PEX3: variants seen among roughly 807,000 people sequenced by gnomAD.
PEX3 encodes the protein peroxisomal biogenesis factor 3.
PEX3 carries 30 observed loss-of-function variants against 55.8 expected under a neutral mutation model. The ratio of observed to expected loss-of-function variants is 0.54; its 90% CI spans 0.40 to 0.73. The LOEUF is 0.73. Ranked by LOEUF, PEX3 falls within the 30% of genes least tolerant of loss-of-function variation. The probability of loss-of-function intolerance (pLI) is 0.00; values close to 1 mark genes in which losing one functional copy is unlikely to be tolerated. For synonymous variants in PEX3, 135 were observed against 148.4 expected (o/e 0.91, Z 0.66); for missense variants, 351 against 432.8 (o/e 0.81, Z 1.68).
rs113430342 is a variant in PEX3 at position 143,463,006 on chromosome 6, A to G, written c.287+9A>G. ...GCTCTGCTAAAAAACAGGTAAATGCAAGTTACAGCATTTTCTGTTTAAGCA... is the reference window on the plus strand; with the variant it reads ...GCTCTGCTAAAAAACAGGTAAATGCGAGTTACAGCATTTTCTGTTTAAGCA... On this transcript the variant is annotated intron_variant, in intron 3 of 11. Coordinates refer to ENST00000367591, the MANE Select transcript of PEX3 (RefSeq NM_003630.3). This position sits in a 1 kb window ranked among gnomAD's most constrained non-coding sequence, Gnocchi z 5.7. 35 of 1,595,454 alleles carry G rather than the reference A, an allele frequency of 2.2e-5. No individual in the cohort carries two copies. Among genetic ancestry groups the G allele is most frequent in the African/African-American group, 2.0e-4 (15 of 74,732 alleles).
chr6:143,451,323 C>T lies in PEX3; in HGVS notation c.73+208C>T, dbSNP rs1583998519. On this transcript the variant is annotated intron_variant, in intron 1 of 11. Coordinates refer to ENST00000367591, the MANE Select transcript of PEX3 (RefSeq NM_003630.3). The surrounding 1 kb of genome is among the most constrained non-coding windows in gnomAD (Gnocchi z 4.1). ...GCCTCTGTGCCCTTTGCCCTGTCAC[C>T]GACTCTTAACTCTGTTTCTCACCTA... is the stretch of plus-strand genomic sequence containing the variant. Among the ~76,000 whole-genome samples, 1 of 152,102 alleles carries T rather than the reference C, an allele frequency of 6.6e-6. No individual in the cohort carries two copies. The highest frequency in any genetic ancestry group is 1.9e-4 in the East Asian group (1 of 5,182).
In PEX3 at chr6:143,464,318, G is replaced by A. The variant is rs948169097; in HGVS notation, c.287+1321G>A. 2.0e-5 allele frequency among the ~76,000 whole-genome samples: 3 copies of A among 152,024 alleles called. No homozygotes were observed. Among genetic ancestry groups the A allele is most frequent in the African/African-American group, 7.2e-5 (3 of 41,426 alleles). ...CGTGGTGGCATTCTTCCTTCTTGGT[G>A]AATCTGTTTCCTGCAAGGCCCTATG... On this transcript the variant is annotated intron_variant, in intron 3 of 11. Transcript: ENST00000367591. The surrounding 1 kb of genome is among the most constrained non-coding windows in gnomAD (Gnocchi z 5.8).
Position 143,479,478 on chromosome 6 carries a change from T to A in PEX3, c.941+280T>A, listed in dbSNP as rs1452976938. On this transcript the variant is annotated intron_variant, in intron 10 of 11. Transcript: ENST00000367591. This position sits in a 1 kb window ranked among gnomAD's most constrained non-coding sequence, Gnocchi z 4.6. Reference sequence around the variant, plus strand: ...TTGAATTCCAATTATTGTTTTTTTTTAACTCTTTAGAATACAAAACTCACA... The same window carrying A: ...TTGAATTCCAATTATTGTTTTTTTTAAACTCTTTAGAATACAAAACTCACA... Among the ~76,000 whole-genome samples, 1 of 152,116 alleles carries A rather than the reference T, an allele frequency of 6.6e-6. No homozygotes were observed. The highest frequency in any genetic ancestry group is 2.4e-5 in the African/African-American group (1 of 41,452).
Position 143,488,149 on chromosome 6 carries a change from T to G in PEX3, c.1039-994T>G, listed in dbSNP as rs548403095. On this transcript the variant is annotated intron_variant, in intron 11 of 11. Coordinates refer to ENST00000367591, the MANE Select transcript of PEX3 (RefSeq NM_003630.3). The surrounding 1 kb of genome is among the most constrained non-coding windows in gnomAD (Gnocchi z 4.9). ...TCTGATGAGATAATTTAACCATGAA[T>G]TGATTGAGATTAGGACATGTCTAAA... Among the ~76,000 whole-genome samples, 3 of 152,138 alleles carry G rather than the reference T, an allele frequency of 2.0e-5. No homozygotes were observed. Among genetic ancestry groups the G allele is most frequent in the Admixed American group, 2.0e-4 (3 of 15,260 alleles).
In PEX3 at chr6:143,474,350, T is replaced by C. The variant is rs145530847; in HGVS notation, c.748-436T>C. Among the ~76,000 whole-genome samples the C allele has an allele frequency of 4.2e-3, 632 of 151,410 alleles. 2 individuals are homozygous for C. The highest frequency in any genetic ancestry group is 8.2e-3 in the Admixed American group (124 of 15,210). ...GGCGCACGCTTGTAATCCCAGCTAC[T>C]CAGGAGGTTGAGGCAGGAGAATCAC... On this transcript the variant is annotated intron_variant, in intron 8 of 11. Coordinates refer to ENST00000367591, the MANE Select transcript of PEX3 (RefSeq NM_003630.3).
chr6:143,469,063 C>T, intron 4 of PEX3, among the ~76,000 whole-genome samples: 1 of 152,114 alleles, frequency 6.6e-6, no homozygotes, highest in South Asian at 2.1e-4. Context: ...TTTTCTTAAT[C>T]CAGTCTATCA....
Position 143,489,369 on chromosome 6 carries a change from A to C in PEX3, c.*143A>C. The stretch of plus-strand genomic sequence containing the variant: ...ATAAAAGTCTTCATTTCATAATGAA[A>C]TCAATTTATTTGGCATCTTAATATA... On this transcript the variant is annotated 3_prime_UTR_variant, in exon 12 of 12. Transcript: ENST00000367591. The surrounding 1 kb of genome is among the most constrained non-coding windows in gnomAD (Gnocchi z 5.5). 1.6e-6 allele frequency: 1 copy of C among 618,742 alleles called. No individual in the cohort carries two copies. Among genetic ancestry groups the C allele is most frequent in the Non-Finnish European group, 2.9e-6 (1 of 345,474 alleles). The allele number at this position is 618,742 out of a possible 1,614,324, so 38.3% of individuals were successfully genotyped here.
chr6:143,474,433 TGGGCGACAGAGC>T (rs1780122823), intron 8 of PEX3, among the ~76,000 whole-genome samples: 1 of 143,228 alleles, frequency 7.0e-6, no homozygotes, highest in African/African-American at 2.6e-5. Context: ...CACTCCAGCC[TGGGCGACAGAGC>T]GAGACTCCGT....
In PEX3 at chr6:143,485,243, G is replaced by A; in HGVS notation, c.1033G>A (p.Val345Ile). The A allele has an allele frequency of 6.5e-7, 1 of 1,544,864 alleles. No individual in the cohort carries two copies. Among genetic ancestry groups the A allele is most frequent in the Non-Finnish European group, 9.0e-7 (1 of 1,117,228 alleles). The change falls in exon 11 of 12, where the codon GTT becomes ATT. Residue 345 changes from valine to isoleucine, a missense_variant. Coordinates refer to ENST00000367591, the MANE Select transcript of PEX3 (RefSeq NM_003630.3). This position sits in a 1 kb window ranked among gnomAD's most constrained non-coding sequence, Gnocchi z 5.6. Reference sequence around the variant, plus strand: ...TTGCAGTGAAACACCTAGTCATTTTGTTCAGGTAAGAAGAAAGCTTGGGAG... The same window carrying A: ...TTGCAGTGAAACACCTAGTCATTTTATTCAGGTAAGAAGAAAGCTTGGGAG... ...SVCSETPSHF[V>I]QDLLTMEQVK...
At chr6:143,457,065 T>C (rs982371168) in intron 1 of PEX3, among the ~76,000 whole-genome samples, 1 of 152,212 alleles carries the variant, frequency 6.6e-6, no homozygotes, top group Admixed American at 6.5e-5. Context: ...AAATTTACTA[T>C]TGTTAAAGAA....
rs918598595 is a variant in PEX3, at chr6:143,454,395, A to G, written c.73+3280A>G. ...ATTGCACTGGAAAAAGTTTTGGAGA[A>G]CAGAGAGCAACCAGATTGATATTTA... On this transcript the variant is annotated intron_variant, in intron 1 of 11. Transcript: ENST00000367591. This position sits in a 1 kb window ranked among gnomAD's most constrained non-coding sequence, Gnocchi z 4.3. 6.6e-6 allele frequency among the ~76,000 whole-genome samples: 1 copy of G among 152,266 alleles called. No individual in the cohort carries two copies. Among genetic ancestry groups the G allele is most frequent in the African/African-American group, 2.4e-5 (1 of 41,474 alleles).
rs909381530 is a variant in PEX3 at position 143,459,964 on chromosome 6, C to T, written c.205+748C>T. Among the ~76,000 whole-genome samples the T allele has an allele frequency of 2.0e-5, 3 of 152,222 alleles. No homozygotes were observed. Among genetic ancestry groups the T allele is most frequent in the Non-Finnish European group, 4.4e-5 (3 of 68,036 alleles). On this transcript the variant is annotated intron_variant, in intron 2 of 11. Coordinates refer to ENST00000367591, the MANE Select transcript of PEX3 (RefSeq NM_003630.3). This position sits in a 1 kb window ranked among gnomAD's most constrained non-coding sequence, Gnocchi z 4.2. ...TCCTGGGAGAATGCCATCACAAAAT[C>T]AACCTGCCCATATTTGAAGAGAACA... is the stretch of plus-strand genomic sequence containing the variant.
At position 143,489,260 on chromosome 6, in the gene PEX3, T is replaced by C. The variant is rs1289484285; in HGVS notation, c.*34T>C. 1.7e-6 allele frequency: 2 copies of C among 1,197,072 alleles called. No individual in the cohort carries two copies. The highest frequency in any genetic ancestry group is 3.4e-5 in the Admixed American group (2 of 59,430). 74.2% of individuals were successfully genotyped at this position (1,197,072 alleles called of 1,614,324 possible). On this transcript the variant is annotated 3_prime_UTR_variant, in exon 12 of 12. Transcript: ENST00000367591. The surrounding 1 kb of genome is among the most constrained non-coding windows in gnomAD (Gnocchi z 5.5). Reference sequence around the variant, plus strand: ...TCAAGAAAAACTACAGTGGGATTCATTTACTTTTTAAAATACACTGGGTAA... The same window carrying C: ...TCAAGAAAAACTACAGTGGGATTCACTTACTTTTTAAAATACACTGGGTAA...
intron 8 of PEX3, among the ~76,000 whole-genome samples, chr6:143,473,963 CAA>C (rs748863068): frequency 4.8e-5 from 6 of 124,430 alleles, no homozygotes; most frequent in Admixed American, 8.1e-5. Flanking sequence ...CCTACCCCTA[CAA>C]AAAAAAAAAA....
rs886976724 is a variant in PEX3 at position 143,465,297 on chromosome 6, G to A, written c.287+2300G>A. Among the ~76,000 whole-genome samples the A allele has an allele frequency of 4.0e-5, 6 of 151,820 alleles. No individual in the cohort carries two copies. The highest frequency in any genetic ancestry group is 7.4e-5 in the Non-Finnish European group (5 of 67,838). ...TTTTGGAGTTTTTTAAAAAAAAATA[G>A]CATCAGTATTTAAAAATCTACTTTT... On this transcript the variant is annotated intron_variant, in intron 3 of 11. Transcript: ENST00000367591. The surrounding 1 kb of genome is among the most constrained non-coding windows in gnomAD (Gnocchi z 4.7).
Position 143,479,276 on chromosome 6 carries a change from A to G in PEX3, c.941+78A>G, listed in dbSNP as rs78403514. 2,464 of 1,105,008 alleles carry G rather than the reference A, an allele frequency of 2.2e-3. 8 individuals carry two copies. Among genetic ancestry groups the G allele is most frequent in the Non-Finnish European group, 2.9e-3 (2,110 of 722,862 alleles). The allele number at this position is 1,105,008 out of a possible 1,614,324, so 68.5% of individuals were successfully genotyped here. Reference sequence around the variant, plus strand: ...CTTTGCTTGTCTTTTTGTTCCAGATAACAACAACAAACCTATTAAATTTGA... The same window carrying G: ...CTTTGCTTGTCTTTTTGTTCCAGATGACAACAACAAACCTATTAAATTTGA... On this transcript the variant is annotated intron_variant, in intron 10 of 11. Coordinates refer to ENST00000367591, the MANE Select transcript of PEX3 (RefSeq NM_003630.3). The surrounding 1 kb of genome is among the most constrained non-coding windows in gnomAD (Gnocchi z 4.6).
At chr6:143,473,086 T>G (rs995381791) in intron 8 of PEX3, among the ~76,000 whole-genome samples, 1 of 152,190 alleles carries the variant, frequency 6.6e-6, no homozygotes, top group African/African-American at 2.4e-5. Flanking sequence ...ACTTGACAAC[T>G]GGAAAAGCCT....
intron 9 of PEX3, among the ~76,000 whole-genome samples, chr6:143,477,901 G>T (rs147084927): frequency 6.6e-6 from 1 of 151,878 alleles, no homozygotes; most frequent in Non-Finnish European, 1.5e-5. Context: ...CCAAATTACC[G>T]TGCAACCCAG....
At position 143,487,029 on chromosome 6, in the gene PEX3, A is replaced by G. The variant is rs773363672; in HGVS notation, c.1038+1781A>G. Reference sequence around the variant, plus strand: ...GACCCCTTTGGTAGAAGATATTAGGATGGTAGTTGGTAAAGGTAGGAAATG... The same window carrying G: ...GACCCCTTTGGTAGAAGATATTAGGGTGGTAGTTGGTAAAGGTAGGAAATG... On this transcript the variant is annotated intron_variant, in intron 11 of 11. Coordinates refer to ENST00000367591, the MANE Select transcript of PEX3 (RefSeq NM_003630.3). This position sits in a 1 kb window ranked among gnomAD's most constrained non-coding sequence, Gnocchi z 5.3. Among the ~76,000 whole-genome samples the G allele has an allele frequency of 1.1e-4, 16 of 152,176 alleles. No homozygotes were observed. Among genetic ancestry groups the G allele is most frequent in the Non-Finnish European group, 2.4e-4 (16 of 68,012 alleles).
Sources: allele counts gnomAD v4.1 joint callset (sites outside exome capture counted in the v4.1 genomes callset), GRCh38; gene constraint gnomAD v4.1.1; non-coding constraint Gnocchi (gnomAD v3.1); transcripts MANE v1.5; gene names NCBI Gene and HGNC (gene_info 2026-07-23, HGNC 2026-07-21).